Variants in XYLB observed in about 807,000 individuals in gnomAD.
XYLB encodes the protein xylulose kinase.
In XYLB, 62 loss-of-function variants were observed where a neutral mutation model predicts 78.7. The observed-to-expected ratio is 0.79, with a 90% CI of 0.64 to 0.97. XYLB has a LOEUF of 0.97. XYLB is among the 50% of genes least tolerant of loss of function. XYLB has a pLI of 0.00. For synonymous variants in XYLB, 245 were observed against 247.4 expected (o/e 0.99, Z 0.09); for missense variants, 687 against 676.8 (o/e 1.02, Z -0.17).
the XYLB span, among the ~76,000 whole-genome samples, chr3:38,438,970 C>G: frequency 6.6e-6 from 1 of 152,116 alleles, no homozygotes; most frequent in Non-Finnish European, 1.5e-5. Context: ...CTCTAGGTAG[C>G]CACAGAGCAC....
In XYLB at chr3:38,412,965, CAA is replaced by C. The variant is rs765200392; in HGVS notation, c.1565_1566del (p.Lys522ThrfsTer46). The C allele has an allele frequency of 6.2e-7, 1 of 1,605,682 alleles. No individual in the cohort carries two copies. The highest frequency in any genetic ancestry group is 1.1e-5 in the South Asian group (1 of 89,548). On this transcript the variant is annotated frameshift_variant, in exon 19 of 19. Transcript: ENST00000207870. LOFTEE classifies it high-confidence loss of function. ...VYEALLPQYA[K>X]LEQRILSQTR... ...ACGAGGCCCTTCTCCCCCAGTATGC[CAA>C]ACTCGAGCAGAGAATCTTGTCTCAG...
intron 15 of XYLB, 39 bp downstream of exon 15, chr3:38,379,381 G>C (rs117916912): frequency 9.9e-5 from 159 of 1,603,714 alleles, no homozygotes; most frequent in Non-Finnish European, 1.3e-4. Context: ...CGGGGTGGGG[G>C]CTCAGGGCCA....
the XYLB span, among the ~76,000 whole-genome samples, chr3:38,428,969 C>T: frequency 7.9e-3 from 1,202 of 152,290 alleles, 6 homozygotes; most frequent in Non-Finnish European, 0.014. Context: ...ATTATTGTTT[C>T]CCCTGCTGGG....
At chr3:38,397,647 C>A (rs947551485) in intron 17 of XYLB, among the ~76,000 whole-genome samples, 6 of 152,050 alleles carry the variant, frequency 3.9e-5, no homozygotes, top group African/African-American at 1.4e-4. Context: ...GGGAAGCTCC[C>A]CGATCTAGGC....
chr3:38,364,168 A>C lies in XYLB; in HGVS notation c.292-1031A>C, dbSNP rs566353135. Among the ~76,000 whole-genome samples, 12 of 151,936 alleles carry C rather than the reference A, an allele frequency of 7.9e-5. No individual in the cohort carries two copies. In the South Asian group the frequency reaches 2.5e-3, roughly 32 times the overall value. The stretch of plus-strand genomic sequence containing the variant: ...TCCTCCTTTCTGGGTTCTCTTTCTC[A>C]GGGAATTCTCCCCATCCACCCAGGG... On this transcript the variant is annotated intron_variant, in intron 4 of 18. Transcript: ENST00000207870.
chr3:38,431,504 A>G, the XYLB span, among the ~76,000 whole-genome samples: 6 of 152,214 alleles, frequency 3.9e-5, no homozygotes, highest in Admixed American at 2.0e-4. Context: ...AAAGAGGGAC[A>G]ATTTGACTTC....
intron 18 of XYLB, among the ~76,000 whole-genome samples, chr3:38,408,835 G>C (rs1254252969): frequency 6.6e-6 from 1 of 152,158 alleles, no homozygotes; most frequent in Non-Finnish European, 1.5e-5. Flanking sequence ...GACTAAACCA[G>C]GAAGAAGTTG....
chr3:38,448,542 G>A, the XYLB span, among the ~76,000 whole-genome samples: 2 of 152,072 alleles, frequency 1.3e-5, no homozygotes, highest in Non-Finnish European at 2.9e-5. Flanking sequence ...TGATTTTTCT[G>A]CTTCTTTTGG....
chr3:38,366,718 C>A, intron 6 of XYLB, 90 bp from the exon 7 acceptor site: 2 of 893,600 alleles, frequency 2.2e-6, no homozygotes, highest in Non-Finnish European at 3.7e-6. Context: ...TACTCCTATC[C>A]AGAGCATGCT....
At chr3:38,367,012 T>G (rs1018967366) in intron 7 of XYLB, 139 bp downstream of exon 7, 14 of 633,308 alleles carry the variant, frequency 2.2e-5, no homozygotes, top group Admixed American at 1.5e-4. Context: ...ATTTGCTTTT[T>G]TCTCATTGTC....
chr3:38,410,150 T>C (rs1231503151), intron 18 of XYLB, among the ~76,000 whole-genome samples: 1 of 152,238 alleles, frequency 6.6e-6, no homozygotes, highest in African/African-American at 2.4e-5. Context: ...AAGGCTACAG[T>C]AATCAAAACA....
At chr3:38,442,922 T>C in the XYLB span, among the ~76,000 whole-genome samples, 12 of 152,158 alleles carry the variant, frequency 7.9e-5, no homozygotes, top group African/African-American at 2.7e-4. Context: ...TCAGTGTTGA[T>C]TCCCTCCTTA....
At chr3:38,376,314 G>T in intron 13 of XYLB, 82 bp downstream of exon 13, 1 of 927,824 alleles carries the variant, frequency 1.1e-6, no homozygotes, top group Non-Finnish European at 1.8e-6. Flanking sequence ...CCCATGAGCT[G>T]GGGGAGAGGA....
At chr3:38,427,373 G>A in the XYLB span, among the ~76,000 whole-genome samples, 1 of 152,220 alleles carries the variant, frequency 6.6e-6, no homozygotes, top group Admixed American at 6.5e-5. Context: ...AAATTTATTA[G>A]CATAAACTTG....
the XYLB span, among the ~76,000 whole-genome samples, chr3:38,434,815 T>A: frequency 1.6e-4 from 25 of 152,184 alleles, 1 homozygote; most frequent in African/African-American, 6.0e-4. Context: ...ATGAAAATGG[T>A]TTAAATTCTT....
chr3:38,382,807 C>G (rs189803822), intron 15 of XYLB, among the ~76,000 whole-genome samples: 1 of 152,356 alleles, frequency 6.6e-6, no homozygotes, highest in East Asian at 1.9e-4. Flanking sequence ...GCATTATTCC[C>G]AGCCTCTAAG....
At chr3:38,348,223 G>A (rs542825184) in intron 1 of XYLB, among the ~76,000 whole-genome samples, 5 of 152,222 alleles carry the variant, frequency 3.3e-5, no homozygotes, top group Admixed American at 2.0e-4. Context: ...ACTTTCTCCC[G>A]CCTCCTTGTC....
In XYLB at chr3:38,348,623, C is replaced by T. The variant is rs1460318441; in HGVS notation, c.131C>T (p.Pro44Leu). The change falls in exon 2 of 19, where the codon CCA becomes CTA. Residue 44 changes from proline (P) to leucine (L), a missense_variant. Pro to Leu is a moderately conservative substitution (Grantham distance 98). Coordinates refer to ENST00000207870, the MANE Select transcript of XYLB (RefSeq NM_005108.4). ...AGTGTGCATTTTGACAGAGATCTTC[C>T]AGAATTTGGGTATGTACTTGATGTG... is the stretch of plus-strand genomic sequence containing the variant. ...EESVHFDRDL[P>L]EFGTQGGVHV... 1.2e-6 allele frequency: 2 copies of T among 1,614,080 alleles called. No homozygotes were observed. Among genetic ancestry groups the T allele is most frequent in the Middle Eastern group, 1.6e-4 (1 of 6,062 alleles).
intron 18 of XYLB, among the ~76,000 whole-genome samples, chr3:38,402,015 A>G (rs1708142238): frequency 6.6e-6 from 1 of 152,070 alleles, no homozygotes; most frequent in African/African-American, 2.4e-5. Context: ...GGGCTTTATT[A>G]TGATGAACCA....
Sources: allele counts gnomAD v4.1 joint callset (sites outside exome capture counted in the v4.1 genomes callset), GRCh38; gene constraint gnomAD v4.1.1; transcripts MANE v1.5; gene names NCBI Gene and HGNC (gene_info 2026-07-23, HGNC 2026-07-21).